The following RSBN1 variants were observed in gnomAD, a reference collection of about 807,000 sequenced individuals.
RSBN1 encodes the protein round spermatid basic protein 1, also known as lysine-specific demethylase 9.
Under a neutral mutation model 74.8 loss-of-function variants are expected in RSBN1, and 23 were observed. That is an observed-to-expected ratio of 0.31 (90% CI 0.22 to 0.44). The LOEUF is 0.44. RSBN1 is among the 20% of genes least tolerant of loss of function. RSBN1 has a pLI of 1.00. For missense variants in RSBN1, 808 were observed against 1,020.9 expected (o/e 0.79, Z 2.84); for synonymous variants, 407 against 379.6 (o/e 1.07, Z -0.84).
intron 2 of RSBN1, among the ~76,000 whole-genome samples, chr1:113,796,994 T>A (rs997396870): frequency 1.3e-5 from 2 of 152,188 alleles, no homozygotes; most frequent in Non-Finnish European, 2.9e-5. Context: ...GCCCATGCCC[T>A]CACGTGTTTT....
intron 2 of RSBN1, among the ~76,000 whole-genome samples, chr1:113,791,417 T>C (rs896483318): frequency 1.3e-5 from 2 of 152,118 alleles, no homozygotes; most frequent in African/African-American, 2.4e-5. Context: ...CCCCAATACA[T>C]AGAGCTTCTA....
chr1:113,762,222 T>C lies in RSBN1; in HGVS notation c.*3758A>G, dbSNP rs548094892. ...GAAAATTTACAACATGTGATAGTAG[T>C]ACATAAGTATTTCTTTAGAGAGAAT... On this transcript the variant is annotated 3_prime_UTR_variant, in exon 7 of 7. Coordinates refer to ENST00000261441, the MANE Select transcript of RSBN1 (RefSeq NM_018364.5). The C allele has an allele frequency of 1.1e-3, 171 of 152,916 alleles. 3 individuals carry two copies. The highest frequency in any genetic ancestry group is 0.01 in the South Asian group (49 of 4,834). The allele number at this position is 152,916 out of a possible 1,614,324, so 9.5% of individuals were successfully genotyped here. A position where few individuals can be genotyped will look rare whatever the true frequency, so the allele number is the denominator to read the frequency against.
chr1:113,807,153 AAAACAC>A (rs1660719053), intron 1 of RSBN1, among the ~76,000 whole-genome samples: 1 of 151,904 alleles, frequency 6.6e-6, no homozygotes, highest in Admixed American at 6.6e-5. Flanking sequence ...TCTCTACTGA[AAAACAC>A]AAAAATTAGC....
Position 113,767,177 on chromosome 1 carries a change from C to A in RSBN1, c.1857G>T (p.Val619=). The change falls in exon 6 of 7, where the codon GTG becomes GTT. Residue 619 remains valine (V), a synonymous_variant. Coordinates refer to ENST00000261441, the MANE Select transcript of RSBN1 (RefSeq NM_018364.5). Reference sequence around the variant, plus strand: ...TAAAATCCTCAGCATGAAAACAAATCACATCTTTGGTTATGCGAGGTTGGT... The same window carrying A: ...TAAAATCCTCAGCATGAAAACAAATAACATCTTTGGTTATGCGAGGTTGGT... ...WSDQPRITKD[V]ICFHAEDFTD... is the part of the protein sequence containing the mutation. 2 of 1,611,466 alleles carry A rather than the reference C, an allele frequency of 1.2e-6. No individual in the cohort carries two copies. Among genetic ancestry groups the A allele is most frequent in the Admixed American group, 1.7e-5 (1 of 59,678 alleles).
At chr1:113,809,707 C>T (rs753864946) in intron 1 of RSBN1, among the ~76,000 whole-genome samples, 48 of 152,100 alleles carry the variant, frequency 3.2e-4, no homozygotes, top group Non-Finnish European at 1.0e-4. Context: ...TTATCTTAAC[C>T]CACTTCTCTT....
Position 113,812,225 on chromosome 1 carries a change from G to A in RSBN1, c.188C>T (p.Ala63Val), listed in dbSNP as rs371378245. Residue 63 changes from alanine (A) to valine (V), a missense_variant, in exon 1 of 7, where the codon GCG (alanine) becomes GTG (valine). Ala to Val is a moderately conservative substitution (Grantham distance 64). Coordinates refer to ENST00000261441, the MANE Select transcript of RSBN1 (RefSeq NM_018364.5). Reference sequence around the variant, plus strand: ...CTCTTTGTCCGGCTCCTCCTGCGCCGCCACCGCCCGTACTACGCGCACCGC... The same window carrying A: ...CTCTTTGTCCGGCTCCTCCTGCGCCACCACCGCCCGTACTACGCGCACCGC... ...VGAVRVVRAV[A>V]AQEEPDKEGK... is the part of the protein sequence containing the mutation. 2.3e-4 allele frequency: 372 copies of A among 1,606,618 alleles called. 2 individuals are homozygous for A. In the South Asian group the frequency reaches 3.6e-3, roughly 16 times the overall value.
intron 4 of RSBN1, among the ~76,000 whole-genome samples, chr1:113,770,798 T>G (rs1332892593): frequency 6.6e-6 from 1 of 151,358 alleles, no homozygotes; most frequent in African/African-American, 2.4e-5. Flanking sequence ...TGCTAAAATT[T>G]TAAAACACCA....
chr1:113,806,173 T>C (rs973694419), intron 1 of RSBN1, among the ~76,000 whole-genome samples: 4 of 151,744 alleles, frequency 2.6e-5, no homozygotes, highest in Admixed American at 2.0e-4. Flanking sequence ...CCATCTCTAC[T>C]AAAAATACAA....
intron 1 of RSBN1, among the ~76,000 whole-genome samples, chr1:113,809,194 C>T (rs372890355): frequency 6.6e-6 from 1 of 152,124 alleles, no homozygotes; most frequent in Admixed American, 6.5e-5. Context: ...ATAATAAAGG[C>T]CGGTTTTAAG....
intron 1 of RSBN1, among the ~76,000 whole-genome samples, chr1:113,802,511 A>G (rs1660605729): frequency 1.3e-5 from 2 of 152,178 alleles, no homozygotes. Context: ...AGGAAAAACA[A>G]AAAACTACTC....
intron 2 of RSBN1, among the ~76,000 whole-genome samples, chr1:113,795,615 G>A (rs1359897217): frequency 5.3e-5 from 8 of 152,148 alleles, no homozygotes; most frequent in Admixed American, 1.3e-4. Context: ...TGGTTGAAGC[G>A]TTTAATATCT....
chr1:113,769,193 A>C (rs1323669991), intron 4 of RSBN1, among the ~76,000 whole-genome samples: 1 of 152,048 alleles, frequency 6.6e-6, no homozygotes, highest in Non-Finnish European at 1.5e-5. Flanking sequence ...AACCTTTAAA[A>C]ACCCTCACCC....
chr1:113,765,780 G>A lies in RSBN1; in HGVS notation c.*200C>T. 1 of 573,768 alleles carries A rather than the reference G, an allele frequency of 1.7e-6. No homozygotes were observed. Among genetic ancestry groups the A allele is most frequent in the Non-Finnish European group, 3.1e-6 (1 of 322,248 alleles). The allele number at this position is 573,768 out of a possible 1,614,324, so 35.5% of individuals were successfully genotyped here. ...AGCAGCAGACCCACTATTACATACT[G>A]TACTAACGGGATAAGATACAACTCT... On this transcript the variant is annotated 3_prime_UTR_variant, in exon 7 of 7. Transcript: ENST00000261441.
chr1:113,793,656 T>C (rs902552748), intron 2 of RSBN1, among the ~76,000 whole-genome samples: 3 of 151,548 alleles, frequency 2.0e-5, no homozygotes, highest in Admixed American at 6.6e-5. Context: ...CTTGGATCCA[T>C]ACATTCAATT....
chr1:113,802,880 T>A (rs1380908508), intron 1 of RSBN1, among the ~76,000 whole-genome samples: 2 of 152,220 alleles, frequency 1.3e-5, no homozygotes, highest in African/African-American at 2.4e-5. Flanking sequence ...ATGGTTTACA[T>A]TCAGGTTCAC....
chr1:113,780,947 C>T (rs1368700528), intron 2 of RSBN1, among the ~76,000 whole-genome samples: 1 of 152,128 alleles, frequency 6.6e-6, no homozygotes, highest in African/African-American at 2.4e-5. Context: ...TTTCTGTGAC[C>T]TACGTTTTTT....
intron 1 of RSBN1, among the ~76,000 whole-genome samples, chr1:113,809,298 C>T (rs897316732): frequency 2.0e-5 from 3 of 152,156 alleles, no homozygotes; most frequent in Admixed American, 2.0e-4. Flanking sequence ...AATACCACAA[C>T]CCCATTTTAT....
At chr1:113,788,863 C>T (rs947330763) in intron 2 of RSBN1, among the ~76,000 whole-genome samples, 15 of 152,046 alleles carry the variant, frequency 9.9e-5, no homozygotes, top group African/African-American at 3.6e-4. Flanking sequence ...CAGGAAGACC[C>T]TCTACCTTGC....
chr1:113,772,412 C>A (rs1416593756), intron 4 of RSBN1, among the ~76,000 whole-genome samples: 1 of 151,958 alleles, frequency 6.6e-6, no homozygotes, highest in South Asian at 2.1e-4. Flanking sequence ...AAAAACCCTG[C>A]CAAAGCCTTT....
Sources: allele counts gnomAD v4.1 joint callset (sites outside exome capture counted in the v4.1 genomes callset), GRCh38; gene constraint gnomAD v4.1.1; transcripts MANE v1.5; gene names NCBI Gene and HGNC (gene_info 2026-07-23, HGNC 2026-07-21).